ZNF507: variants seen among roughly 807,000 people sequenced by gnomAD.
The protein encoded by ZNF507 is zinc finger protein 507.
In ZNF507, 29 loss-of-function variants were observed where a neutral mutation model predicts 80.0. That is an observed-to-expected ratio of 0.36 (90% CI 0.27 to 0.49). The LOEUF (loss-of-function observed/expected upper bound fraction) is 0.49. Among genes scored for constraint, ZNF507 ranks in the 20% least tolerant of loss-of-function variants. The pLI is 0.98. For synonymous variants in ZNF507, 462 were observed against 422.5 expected, an observed-to-expected ratio of 1.09 and a Z score of -1.15; for missense variants, 1,081 against 1,152.2, an observed-to-expected ratio of 0.94 and a Z score of 0.90.
intron 5 of ZNF507, among the ~76,000 whole-genome samples, chr19:32,370,178 C>T (rs952621214): frequency 7.2e-5 from 11 of 152,212 alleles, no homozygotes; most frequent in African/African-American, 9.7e-5. Flanking sequence ...AGGTTGTTTC[C>T]ATACCTTGGT....
chr19:32,373,492 A>G (rs913487275), intron 5 of ZNF507, among the ~76,000 whole-genome samples: 11 of 152,242 alleles, frequency 7.2e-5, no homozygotes, highest in Non-Finnish European at 1.6e-4. Context: ...TATCCTTTGC[A>G]GTCTAGAATG....
intron 5 of ZNF507, among the ~76,000 whole-genome samples, chr19:32,375,658 A>C (rs549583174): frequency 6.6e-6 from 1 of 152,390 alleles, no homozygotes; most frequent in South Asian, 2.1e-4. Flanking sequence ...AGAATACATG[A>C]AACAAGATTA....
At position 32,385,896 on chromosome 19, in the gene ZNF507, G is replaced by A. The variant is rs1416149200; in HGVS notation, c.*2813G>A. ...ATTTATTGGTATTGACTTCTTATTA[G>A]ACAGAGCTCATAGTATTTGTTTTCT... On this transcript the variant is annotated 3_prime_UTR_variant, in exon 7 of 7. Coordinates refer to ENST00000355898, the MANE Select transcript of ZNF507 (RefSeq NM_001136156.2). The A allele has an allele frequency of 6.6e-6, 1 of 152,078 alleles. No homozygotes were observed. The highest frequency in any genetic ancestry group is 2.4e-5 in the African/African-American group (1 of 41,386). 9.4% of individuals were successfully genotyped at this position (152,078 alleles called of 1,614,324 possible).
chr19:32,356,306 C>T (rs1298188830), intron 3 of ZNF507, among the ~76,000 whole-genome samples: 1 of 152,170 alleles, frequency 6.6e-6, no homozygotes, highest in Admixed American at 6.5e-5. Flanking sequence ...GAACACTCTG[C>T]TCGTTCCTCC....
intron 5 of ZNF507, among the ~76,000 whole-genome samples, chr19:32,377,473 A>G (rs1005665255): frequency 1.3e-5 from 2 of 152,186 alleles, no homozygotes; most frequent in Admixed American, 6.5e-5. Flanking sequence ...ATTGCTACAA[A>G]CTAATGATTA....
At chr19:32,374,971 A>G (rs570440411) in intron 5 of ZNF507, among the ~76,000 whole-genome samples, 1 of 152,284 alleles carries the variant, frequency 6.6e-6, no homozygotes, top group African/African-American at 2.4e-5. Flanking sequence ...TTGAAGAATT[A>G]TCCATCTACT....
In ZNF507 at chr19:32,378,827, C is replaced by T. The variant is rs992100476; in HGVS notation, c.2361-3640C>T. 5.8e-4 allele frequency among the ~76,000 whole-genome samples: 89 copies of T among 152,162 alleles called. 1 individual carries two copies. Among genetic ancestry groups the T allele is most frequent in the Non-Finnish European group, 1.8e-4 (12 of 68,030 alleles). On this transcript the variant is annotated intron_variant, in intron 5 of 6. Transcript: ENST00000355898. ...TAAGTCTGACTTGTCACTGGGGGATCATTCCAGATAAAGAATTTTCTGGTG... is the reference window on the plus strand; with the variant it reads ...TAAGTCTGACTTGTCACTGGGGGATTATTCCAGATAAAGAATTTTCTGGTG...
chr19:32,379,561 G>T (rs776018738), intron 5 of ZNF507, among the ~76,000 whole-genome samples: 5 of 152,204 alleles, frequency 3.3e-5, no homozygotes, highest in Admixed American at 6.5e-5. Flanking sequence ...TGTCTTGACA[G>T]TGATGTGTAT....
Position 32,383,982 on chromosome 19 carries a change from A to C in ZNF507, c.*899A>C, listed in dbSNP as rs1371112018. 2 of 152,228 alleles carry C rather than the reference A, an allele frequency of 1.3e-5. No homozygotes were observed. Among genetic ancestry groups the C allele is most frequent in the Admixed American group, 1.3e-4 (2 of 15,280 alleles). 9.4% of individuals were successfully genotyped at this position (152,228 alleles called of 1,614,324 possible). On this transcript the variant is annotated 3_prime_UTR_variant, in exon 7 of 7. Transcript: ENST00000355898. ...AAAGAAACAATGTATGAAAATTTAC[A>C]TTTGATCATCCGGCATTGGAAATAG...
At position 32,356,486 on chromosome 19, in the gene ZNF507, C is replaced by T. The variant is rs1186739089; in HGVS notation, c.2128-130C>T. On this transcript the variant is annotated intron_variant, in intron 3 of 6. Coordinates refer to ENST00000355898, the MANE Select transcript of ZNF507 (RefSeq NM_001136156.2). ...TCAAATGTGTCAAATGATCCTTTAG[C>T]AGACTTGATTTTAAAATATGGTAAT... 1.4e-5 allele frequency: 9 copies of T among 625,168 alleles called. No individual in the cohort carries two copies. The East Asian group carries it at 2.5e-4, about 17-fold the overall frequency. The allele number at this position is 625,168 out of a possible 1,614,324, so 38.7% of individuals were successfully genotyped here. A position where few individuals can be genotyped will look rare whatever the true frequency, so the allele number is the denominator to read the frequency against.
At position 32,354,512 on chromosome 19, in the gene ZNF507, A is replaced by T. The variant is rs749512577; in HGVS notation, c.1682A>T (p.Asn561Ile). The T allele has an allele frequency of 6.2e-7, 1 of 1,614,090 alleles. No individual in the cohort carries two copies. The highest frequency in any genetic ancestry group is 1.1e-5 in the South Asian group (1 of 91,082). ...GGATTAACTAGTCTTAACCAAAGCA[A>T]CTCCACCTTGGTAGCACTCCCAGAG... ...SDGLTSLNQS[N>I]STLVALPEGR... The change falls in exon 3 of 7, where the codon AAC (asparagine) becomes ATC (isoleucine). Residue 561 changes from asparagine to isoleucine, a missense_variant. Coordinates refer to ENST00000355898, the MANE Select transcript of ZNF507 (RefSeq NM_001136156.2).
chr19:32,348,889 G>A (rs898565716), intron 2 of ZNF507, among the ~76,000 whole-genome samples: 1 of 152,064 alleles, frequency 6.6e-6, no homozygotes, highest in Admixed American at 6.5e-5. Context: ...CTGCTTTTCT[G>A]GTCACTGCTA....
Position 32,365,597 on chromosome 19 carries a change from G to A in ZNF507, c.2360+4979G>A, listed in dbSNP as rs1225533405. On this transcript the variant is annotated intron_variant, in intron 5 of 6. Coordinates refer to ENST00000355898, the MANE Select transcript of ZNF507 (RefSeq NM_001136156.2). ...CCACTCAAAATTTTTCATATTAGAT[G>A]GTCCTTGGTTTAGTTCAATATTGCA... Among the ~76,000 whole-genome samples the A allele has an allele frequency of 2.6e-5, 4 of 151,762 alleles. 1 individual carries two copies. Among genetic ancestry groups the A allele is most frequent in the Non-Finnish European group, 5.9e-5 (4 of 67,996 alleles).
Position 32,377,412 on chromosome 19 carries a change from C to A in ZNF507, c.2361-5055C>A, listed in dbSNP as rs530980548. On this transcript the variant is annotated intron_variant, in intron 5 of 6. Transcript: ENST00000355898. Reference sequence around the variant, plus strand: ...CTATCTCTATATGGCCTGGTTTTTCCTAGGTTATGATTATAGAGCAAAGAT... The same window carrying A: ...CTATCTCTATATGGCCTGGTTTTTCATAGGTTATGATTATAGAGCAAAGAT... Among the ~76,000 whole-genome samples, 3 of 152,152 alleles carry A rather than the reference C, an allele frequency of 2.0e-5. No individual in the cohort carries two copies. The East Asian group carries it at 5.8e-4, about 29-fold the overall frequency.
chr19:32,367,686 C>T (rs954930830), intron 5 of ZNF507, among the ~76,000 whole-genome samples: 13 of 152,128 alleles, frequency 8.5e-5, no homozygotes, highest in Non-Finnish European at 1.5e-5. Context: ...ATCAACTATG[C>T]GTGCTTAGGT....
At chr19:32,348,174 T>C (rs899177184) in intron 2 of ZNF507, among the ~76,000 whole-genome samples, 1 of 152,188 alleles carries the variant, frequency 6.6e-6, no homozygotes, top group African/African-American at 2.4e-5. Context: ...TGAGGGCACT[T>C]TAGGGGAGGG....
chr19:32,354,517 A>G lies in ZNF507; in HGVS notation c.1687A>G (p.Thr563Ala). Residue 563 changes from threonine to alanine, a missense_variant, in exon 3 of 7, where the codon ACC (threonine) becomes GCC (alanine). Physicochemically the swap from Thr to Ala is moderately conservative, Grantham distance 58 (BLOSUM62 0). Coordinates refer to ENST00000355898, the MANE Select transcript of ZNF507 (RefSeq NM_001136156.2). ...GLTSLNQSNSTLVALPEGRQE... is the reference protein window; with the variant it reads ...GLTSLNQSNSALVALPEGRQE... ...AACTAGTCTTAACCAAAGCAACTCCACCTTGGTAGCACTCCCAGAGGGTAG... is the reference window on the plus strand; with the variant it reads ...AACTAGTCTTAACCAAAGCAACTCCGCCTTGGTAGCACTCCCAGAGGGTAG... 1.2e-6 allele frequency: 2 copies of G among 1,614,158 alleles called. No individual in the cohort carries two copies. The highest frequency in any genetic ancestry group is 1.7e-6 in the Non-Finnish European group (2 of 1,180,030).
chr19:32,354,372 C>A lies in ZNF507; in HGVS notation c.1542C>A (p.Asn514Lys). ...PIRAAELTRA[N>K]LGHYGDINLL... ...GAGCTGCAGAGTTGACAAGAGCCAA[C>A]CTGGGGCACTATGGAGATATAAACC... The change falls in exon 3 of 7, where the codon AAC becomes AAA. Residue 514 changes from asparagine to lysine, a missense_variant. By Grantham distance (94) the Asn-to-Lys change is moderately conservative (BLOSUM62 0). Around this residue, in one of 6 missense-constraint regions of ZNF507, gnomAD observed 614 missense variants for 583.9 expected, o/e 1.05. Transcript: ENST00000355898. The A allele has an allele frequency of 6.2e-7, 1 of 1,614,088 alleles. No homozygotes were observed. Among genetic ancestry groups the A allele is most frequent in the South Asian group, 1.1e-5 (1 of 91,080 alleles).
chr19:32,370,788 A>G (rs929735418), intron 5 of ZNF507, among the ~76,000 whole-genome samples: 3 of 152,196 alleles, frequency 2.0e-5, no homozygotes, highest in Admixed American at 6.5e-5. Flanking sequence ...TTTTGGTATC[A>G]TAACCAAAAA....
Sources: allele counts gnomAD v4.1 joint callset (sites outside exome capture counted in the v4.1 genomes callset), GRCh38; gene constraint gnomAD v4.1.1; regional missense constraint gnomAD v4.1.1; transcripts MANE v1.5; gene names NCBI Gene and HGNC (gene_info 2026-07-23, HGNC 2026-07-21).